Variants in DHRS3 observed in about 807,000 individuals in gnomAD.
DHRS3 encodes short-chain dehydrogenase/reductase 3.
DHRS3 carries 14 observed loss-of-function variants against 27.2 expected under a neutral mutation model. The observed-to-expected ratio is 0.52, with a 90% confidence interval of 0.34 to 0.81. The LOEUF (loss-of-function observed/expected upper bound fraction) is 0.81, where lower values mean the gene tolerates loss of function less well. DHRS3 is among the 30% of genes least tolerant of loss of function. The pLI is 0.01. For synonymous variants in DHRS3, 165 were observed against 175.9 expected (o/e 0.94, Z 0.49); for missense variants, 322 against 406.2 (o/e 0.79, Z 1.78).
intron 4 of DHRS3, among the ~76,000 whole-genome samples, chr1:12,575,715 A>ATTG (rs1341206586): frequency 6.6e-6 from 1 of 151,792 alleles, no homozygotes; most frequent in East Asian, 1.9e-4. Flanking sequence ...TATTATTATT[A>ATTG]TTCATTTTTG....
chr1:12,569,231 T>TCTCTCACACACACACACA (rs1557509331), intron 5 of DHRS3, among the ~76,000 whole-genome samples: 1 of 110,476 alleles, frequency 9.1e-6, no homozygotes, highest in East Asian at 2.1e-4. Flanking sequence ...TCTCTCTCTC[T>TCTCTCACACACACACACA]CACACACACA....
intron 1 of DHRS3, among the ~76,000 whole-genome samples, chr1:12,610,188 C>T (rs1318434117): frequency 2.0e-5 from 3 of 152,014 alleles, no homozygotes; most frequent in African/African-American, 2.4e-5. Flanking sequence ...AAGCAATTCT[C>T]GTGCCTCAGA....
intron 1 of DHRS3, among the ~76,000 whole-genome samples, chr1:12,590,498 C>G: frequency 6.6e-6 from 1 of 152,036 alleles, no homozygotes; most frequent in East Asian, 1.9e-4. Context: ...TTAGTAGAGA[C>G]GGGGTTTCTC....
chr1:12,609,983 A>G (rs901272404), intron 1 of DHRS3, among the ~76,000 whole-genome samples: 1 of 151,422 alleles, frequency 6.6e-6, no homozygotes, highest in Admixed American at 6.6e-5. Context: ...CCTTCCTTAT[A>G]CCCTACCTAG....
chr1:12,577,931 G>A (rs1646604919), intron 4 of DHRS3, among the ~76,000 whole-genome samples: 1 of 152,164 alleles, frequency 6.6e-6, no homozygotes, highest in Admixed American at 6.6e-5. Flanking sequence ...TTTAATGACT[G>A]CTAAGTTCAA....
chr1:12,595,055 C>T (rs1252360203), intron 1 of DHRS3, among the ~76,000 whole-genome samples: 2 of 152,182 alleles, frequency 1.3e-5, no homozygotes, highest in Non-Finnish European at 2.9e-5. Flanking sequence ...ATCCCAGGTC[C>T]CTTCAGCTTC....
rs36031555 is a variant in DHRS3, at chr1:12,605,078, CA to C, written c.195+12075del. ...CTGCGCGACTGGCAAAACTCCATCT[CA>C]AAAAAAAAAAAAAAAAAAGGTCAAG... On this transcript the variant is annotated intron_variant, in intron 1 of 5. Transcript: ENST00000616661. Among the ~76,000 whole-genome samples, 448 of 98,404 alleles carry C rather than the reference CA, an allele frequency of 4.6e-3. 2 individuals carry two copies. Among genetic ancestry groups the C allele is most frequent in the African/African-American group, 0.014 (352 of 24,652 alleles). 64.6% of individuals were successfully genotyped at this position (98,404 alleles called of 152,430 possible).
chr1:12,616,248 C>T (rs1207218791), intron 1 of DHRS3, among the ~76,000 whole-genome samples: 1 of 152,166 alleles, frequency 6.6e-6, no homozygotes, highest in Non-Finnish European at 1.5e-5. Flanking sequence ...TCTTCCTCTT[C>T]ACAGGGCTGG....
Position 12,568,414 on chromosome 1 carries a change from G to T in DHRS3, c.835C>A (p.Gln279Lys). The T allele has an allele frequency of 2.5e-6, 4 of 1,613,630 alleles. No homozygotes were observed. The highest frequency in any genetic ancestry group is 3.4e-6 in the Non-Finnish European group (4 of 1,179,598). ...ALVILKSILPQAALEEIHKFS... is the reference protein window; with the variant it reads ...ALVILKSILPKAALEEIHKFS... ...TTGTGGATCTCCTCGAGTGCAGCCT[G>T]TGGAAGTATGCTGGAGTAGGAGGAA... Residue 279 changes from glutamine (Q) to lysine (K), a missense_variant, in exon 6 of 6, where the codon CAG (glutamine) becomes AAG (lysine). Gln to Lys is a moderately conservative substitution (Grantham distance 53). Coordinates refer to ENST00000616661, the MANE Select transcript of DHRS3 (RefSeq NM_004753.7).
chr1:12,573,607 G>C (rs1295299334), intron 4 of DHRS3, among the ~76,000 whole-genome samples: 1 of 152,214 alleles, frequency 6.6e-6, no homozygotes, highest in African/African-American at 2.4e-5. Flanking sequence ...TGGAGGCAGG[G>C]GCTTGGCTAG....
chr1:12,613,189 A>G (rs1291203622), intron 1 of DHRS3, among the ~76,000 whole-genome samples: 1 of 152,138 alleles, frequency 6.6e-6, no homozygotes, highest in East Asian at 1.9e-4. Context: ...GAGCTGGAAG[A>G]GATGACGAAG....
chr1:12,581,680 C>T (rs764287783), intron 1 of DHRS3, among the ~76,000 whole-genome samples: 3 of 152,122 alleles, frequency 2.0e-5, no homozygotes, highest in Admixed American at 6.5e-5. Flanking sequence ...CGGAGGACGA[C>T]GCACCTCCCC....
intron 1 of DHRS3, among the ~76,000 whole-genome samples, chr1:12,597,879 G>A (rs975407705): frequency 6.6e-6 from 1 of 152,198 alleles, no homozygotes; most frequent in Non-Finnish European, 1.5e-5. Context: ...GGGCGCTTCT[G>A]AGAGCAGGGC....
intron 1 of DHRS3, among the ~76,000 whole-genome samples, chr1:12,598,468 G>A (rs1485679089): frequency 2.0e-5 from 3 of 152,066 alleles, no homozygotes; most frequent in African/African-American, 4.8e-5. Flanking sequence ...TGAGGTTTAC[G>A]GCCCCTTATC....
chr1:12,616,701 G>C (rs1646946885), intron 1 of DHRS3: 2 of 1,006,578 alleles, frequency 2.0e-6, no homozygotes, highest in Non-Finnish European at 1.2e-6. Flanking sequence ...CAGCCGCCCA[G>C]GTTGGGGCTG....
intron 1 of DHRS3, among the ~76,000 whole-genome samples, chr1:12,590,277 A>G (rs554816691): frequency 3.0e-4 from 45 of 152,160 alleles, no homozygotes; most frequent in African/African-American, 1.0e-3. Context: ...TGCCCCAGTC[A>G]CCCAGAGTGG....
chr1:12,583,385 C>T (rs1309017495), intron 1 of DHRS3, among the ~76,000 whole-genome samples: 1 of 143,818 alleles, frequency 7.0e-6, no homozygotes, highest in Non-Finnish European at 1.5e-5. Context: ...CACCCCACCC[C>T]ATCCATCCAT....
chr1:12,573,024 C>A (rs55991483), intron 4 of DHRS3, among the ~76,000 whole-genome samples, 171 bp from the exon 5 acceptor site: 2 of 152,202 alleles, frequency 1.3e-5, no homozygotes, highest in East Asian at 3.9e-4. Context: ...GCCACATTCC[C>A]TCACTCCTCC....
intron 1 of DHRS3, among the ~76,000 whole-genome samples, chr1:12,596,930 G>A (rs1646802256): frequency 6.6e-6 from 1 of 152,116 alleles, no homozygotes; most frequent in African/African-American, 2.4e-5. Flanking sequence ...TGAGCCTCTG[G>A]GTTTATTGTG....
Sources: allele counts gnomAD v4.1 joint callset (sites outside exome capture counted in the v4.1 genomes callset), GRCh38; gene constraint gnomAD v4.1.1; transcripts MANE v1.5; gene names NCBI Gene and HGNC (gene_info 2026-07-23, HGNC 2026-07-21).